Variants in RILPL1 observed in about 807,000 individuals in gnomAD.
RILPL1 encodes RILP-like protein 1.
In RILPL1, 33 loss-of-function variants were observed where a neutral mutation model predicts 50.3. The ratio of observed to expected loss-of-function variants is 0.66; its 90% CI spans 0.50 to 0.88. The LOEUF is 0.88. Ranked by LOEUF, RILPL1 falls within the 40% of genes least tolerant of loss-of-function variation. RILPL1 has a pLI of 0.00. For missense variants in RILPL1, 418 were observed against 542.5 expected, an observed-to-expected ratio of 0.77 and a Z score of 2.28; for synonymous variants, 205 against 228.6, an observed-to-expected ratio of 0.90 and a Z score of 0.93.
At chr12:123,516,379 T>C (rs1169328078) in intron 2 of RILPL1, among the ~76,000 whole-genome samples, 2 of 152,228 alleles carry the variant, frequency 1.3e-5, no homozygotes, top group African/African-American at 4.8e-5. Flanking sequence ...TAACTTACAT[T>C]CCAGACTCCC....
At chr12:123,517,976 G>C (rs1180330894) in intron 2 of RILPL1, among the ~76,000 whole-genome samples, 1 of 152,144 alleles carries the variant, frequency 6.6e-6, no homozygotes, top group Admixed American at 6.5e-5. Context: ...GACAAAAAAG[G>C]AAAAATACGA....
intron 2 of RILPL1, among the ~76,000 whole-genome samples, chr12:123,509,563 C>CAAA (rs367583334): frequency 4.5e-5 from 4 of 89,476 alleles, no homozygotes; most frequent in African/African-American, 1.6e-4. Context: ...AACTCCGTCT[C>CAAA]AAAAAAAAAA....
At chr12:123,500,497 C>T (rs1006622425) in intron 2 of RILPL1, among the ~76,000 whole-genome samples, 1 of 149,274 alleles carries the variant, frequency 6.7e-6, no homozygotes, top group Non-Finnish European at 1.5e-5. Flanking sequence ...GTTGACCAGG[C>T]TGGTCTCAAA....
At chr12:123,476,305 G>C (rs1881581741) in intron 6 of RILPL1, among the ~76,000 whole-genome samples, 1 of 133,448 alleles carries the variant, frequency 7.5e-6, no homozygotes, top group African/African-American at 2.9e-5. Context: ...GCCGGGCGTG[G>C]TGGCGCATGC....
chr12:123,505,950 G>A (rs189341986), intron 2 of RILPL1, among the ~76,000 whole-genome samples: 46 of 152,298 alleles, frequency 3.0e-4, no homozygotes, highest in African/African-American at 1.0e-3. Flanking sequence ...AGCACCTTCT[G>A]TGTACATGAC....
At chr12:123,475,809 AAC>A (rs1185770279) in intron 6 of RILPL1, 2 of 1,075,790 alleles carry the variant, frequency 1.9e-6, no homozygotes, top group Middle Eastern at 2.0e-4. Flanking sequence ...ATGAAAAAGA[AAC>A]AAACTCCACA....
At chr12:123,497,380 A>G (rs1290208466) in intron 4 of RILPL1, among the ~76,000 whole-genome samples, 1 of 151,496 alleles carries the variant, frequency 6.6e-6, no homozygotes, top group Non-Finnish European at 1.5e-5. Flanking sequence ...CACCATACCT[A>G]AGATTTTCTT....
chr12:123,475,927 A>G (rs9777754), intron 6 of RILPL1: 321,460 of 496,988 alleles, frequency 0.65, 109,343 homozygotes, highest in East Asian at 1. Context: ...TTTTTGAGAC[A>G]GAGTCTCACT....
At chr12:123,523,681 T>C in intron 1 of RILPL1, 36 bp from the exon 2 acceptor site, 1 of 1,600,248 alleles carries the variant, frequency 6.2e-7, no homozygotes. Context: ...GGTCACTGCC[T>C]GCCCAGAGCA....
intron 1 of RILPL1, among the ~76,000 whole-genome samples, chr12:123,529,796 T>C (rs1885385059): frequency 6.7e-6 from 1 of 148,252 alleles, no homozygotes; most frequent in Non-Finnish European, 1.5e-5. Context: ...ATCACTTGAA[T>C]CCAGGTGTTC....
chr12:123,525,153 T>C (rs1221670292), intron 1 of RILPL1, among the ~76,000 whole-genome samples: 2 of 151,210 alleles, frequency 1.3e-5, no homozygotes, highest in East Asian at 2.0e-4. Context: ...TAATAATAAA[T>C]AAAATAAAAT....
intron 2 of RILPL1, among the ~76,000 whole-genome samples, chr12:123,510,122 A>G (rs9330650): frequency 0.31 from 46,900 of 152,182 alleles, 9,297 homozygotes; most frequent in African/African-American, 0.56. Context: ...CAGAACCGGC[A>G]ACCAAGCCGG....
Position 123,498,615 on chromosome 12 carries a change from G to A in RILPL1, c.730C>T (p.Arg244Ter), listed in dbSNP as rs777565123. ...TCTCGCAACTTCCCCAGCTCTGCTC[G>A]CAGGCTGCCCATCTCCTGCTCCTTG... Reference protein sequence around the residue: ...QTKEQEMGSLRAELGKLRERL... With the variant: ...QTKEQEMGSL The change falls in exon 4 of 7, where the codon CGA becomes TGA. Residue 244 changes from arginine to a stop codon, truncating the protein, a stop_gained. Coordinates refer to ENST00000376874, the MANE Select transcript of RILPL1 (RefSeq NM_178314.5). LOFTEE classifies it high-confidence loss of function. This position sits in a 1 kb window ranked among gnomAD's most constrained non-coding sequence, Gnocchi z 4.3. 2.5e-6 allele frequency: 4 copies of A among 1,613,572 alleles called. No homozygotes were observed. The highest frequency in any genetic ancestry group is 2.5e-6 in the Non-Finnish European group (3 of 1,179,866).
rs895091870 is a variant in RILPL1, at chr12:123,498,881, T to C, written c.580-116A>G. 1.1e-5 allele frequency: 10 copies of C among 945,396 alleles called. No homozygotes were observed. Among genetic ancestry groups the C allele is most frequent in the Non-Finnish European group, 1.6e-5 (10 of 609,498 alleles). The allele number at this position is 945,396 out of a possible 1,614,324, so 58.6% of individuals were successfully genotyped here. On this transcript the variant is annotated intron_variant, in intron 3 of 6. Coordinates refer to ENST00000376874, the MANE Select transcript of RILPL1 (RefSeq NM_178314.5). This position sits in a 1 kb window ranked among gnomAD's most constrained non-coding sequence, Gnocchi z 4.3. ...CATTTACATTGCAGACATCTTTGTTTGAAAGTTGTTCGTATTCTTATAGCT... is the reference window on the plus strand; with the variant it reads ...CATTTACATTGCAGACATCTTTGTTCGAAAGTTGTTCGTATTCTTATAGCT...
intron 2 of RILPL1, among the ~76,000 whole-genome samples, chr12:123,521,963 C>T (rs913427473): frequency 1.1e-4 from 17 of 151,920 alleles, no homozygotes; most frequent in South Asian, 4.1e-4. Context: ...TTCGTAGAGA[C>T]GGGGTTTCAT....
rs1375475232 is a variant in RILPL1 at position 123,528,480 on chromosome 12, T to G, written c.309+4694A>C. Among the ~76,000 whole-genome samples, 4 of 149,300 alleles carry G rather than the reference T, an allele frequency of 2.7e-5. No individual in the cohort carries two copies. The East Asian group carries it at 6.1e-4, about 23-fold the overall frequency. ...TCTCACTCTGTCACCCAGGCTGGAG[T>G]GCAGTGGTGCGATCTCGGCTCACTG... On this transcript the variant is annotated intron_variant, in intron 1 of 6. Coordinates refer to ENST00000376874, the MANE Select transcript of RILPL1 (RefSeq NM_178314.5).
chr12:123,487,467 C>T (rs771797476), intron 4 of RILPL1, among the ~76,000 whole-genome samples: 8 of 152,118 alleles, frequency 5.3e-5, no homozygotes, highest in Non-Finnish European at 1.2e-4. Flanking sequence ...CCATCATGCC[C>T]GGGCTAAGTT....
chr12:123,514,766 T>C (rs1020730427), intron 2 of RILPL1, among the ~76,000 whole-genome samples: 2 of 152,066 alleles, frequency 1.3e-5, no homozygotes, highest in Admixed American at 1.3e-4. Flanking sequence ...TGCTGCTGAA[T>C]TAAATGATAT....
At position 123,489,171 on chromosome 12, in the gene RILPL1, G is replaced by A. The variant is rs1448639338; in HGVS notation, c.802-3366C>T. On this transcript the variant is annotated intron_variant, in intron 4 of 6. Coordinates refer to ENST00000376874, the MANE Select transcript of RILPL1 (RefSeq NM_178314.5). The surrounding 1 kb of genome is among the most constrained non-coding windows in gnomAD (Gnocchi z 4.0). ...CTAACTTTGTGCCTTGCTGGCCGTGGAGCTCAGCCCTGGGAACAGAGTCAG... is the reference window on the plus strand; with the variant it reads ...CTAACTTTGTGCCTTGCTGGCCGTGAAGCTCAGCCCTGGGAACAGAGTCAG... 1.3e-5 allele frequency among the ~76,000 whole-genome samples: 2 copies of A among 152,186 alleles called. No homozygotes were observed. The highest frequency in any genetic ancestry group is 4.8e-5 in the African/African-American group (2 of 41,430).
Sources: allele counts gnomAD v4.1 joint callset (sites outside exome capture counted in the v4.1 genomes callset), GRCh38; gene constraint gnomAD v4.1.1; non-coding constraint Gnocchi (gnomAD v3.1); transcripts MANE v1.5; gene names NCBI Gene and HGNC (gene_info 2026-07-23, HGNC 2026-07-21).